Variants in IL1RAPL1 observed in about 807,000 individuals in gnomAD.
The protein encoded by IL1RAPL1 is interleukin-1 receptor accessory protein-like 1.
A neutral mutation model predicts 48.4 loss-of-function variants in IL1RAPL1; 3 were observed. The observed-to-expected ratio is 0.06, with a 90% CI of 0.03 to 0.16. The LOEUF (loss-of-function observed/expected upper bound fraction) is 0.16. IL1RAPL1 is among the 10% of genes least tolerant of loss of function. The pLI, the probability that IL1RAPL1 is intolerant of heterozygous loss-of-function variation, is 1.00. For missense variants in IL1RAPL1, 349 were observed against 530.6 expected (o/e 0.66, Z 3.36); for synonymous variants, 185 against 187.7 (o/e 0.99, Z 0.12).
At chrX:28,630,534 T>C (rs1435046214) in intron 1 of IL1RAPL1, among the ~76,000 whole-genome samples, 1 of 112,041 alleles carries the variant, frequency 8.9e-6, no homozygotes, top group Non-Finnish European at 1.9e-5. Flanking sequence ...CTTCTTCCCC[T>C]TCAGGCCACC....
intron 6 of IL1RAPL1, among the ~76,000 whole-genome samples, chrX:29,816,945 C>T (rs1239460985): frequency 2.7e-5 from 3 of 109,733 alleles, no homozygotes; most frequent in African/African-American, 1.0e-4. Context: ...TTTTAGCTCT[C>T]TCTGTTATAT....
At chrX:29,205,458 G>A (rs1239926680) in intron 2 of IL1RAPL1, among the ~76,000 whole-genome samples, 1 of 111,080 alleles carries the variant, frequency 9.0e-6, no homozygotes, top group African/African-American at 3.3e-5. Flanking sequence ...TATATAGCAT[G>A]TTATCAGCTA....
At chrX:28,789,655 A>G (rs936560665) in intron 2 of IL1RAPL1, among the ~76,000 whole-genome samples, 22 of 112,248 alleles carry the variant, frequency 2.0e-4, no homozygotes, top group Admixed American at 3.8e-4. Context: ...ATTGGCATGG[A>G]TTCAATAGCA....
chrX:28,807,142 G>A (rs929345532), intron 2 of IL1RAPL1, among the ~76,000 whole-genome samples: 2 of 110,926 alleles, frequency 1.8e-5, no homozygotes, highest in African/African-American at 6.5e-5. Context: ...TCAGTACCTA[G>A]CATTTTAAGA....
chrX:28,821,680 CT>C (rs1259698196), intron 2 of IL1RAPL1, among the ~76,000 whole-genome samples: 3 of 111,026 alleles, frequency 2.7e-5, no homozygotes, highest in African/African-American at 9.8e-5. Context: ...CACCACACCC[CT>C]GGCTTTCTTC....
In IL1RAPL1 at chrX:29,058,127, G is replaced by T. The variant is rs771499538; in HGVS notation, c.83-224811G>T. On this transcript the variant is annotated intron_variant, in intron 2 of 10. Coordinates refer to ENST00000378993, the MANE Select transcript of IL1RAPL1 (RefSeq NM_014271.4). ...GCAGTGGCTCACGCTTATAATCCCA[G>T]CACTTTGGGAGGCTGAGGTGGGCGG... 4.7e-3 allele frequency among the ~76,000 whole-genome samples: 526 copies of T among 110,981 alleles called. 3 individuals carry two copies. The highest frequency in any genetic ancestry group is 0.016 in the African/African-American group (479 of 30,512).
chrX:29,763,050 GTTT>G (rs777501897), intron 6 of IL1RAPL1, among the ~76,000 whole-genome samples: 1 of 94,142 alleles, frequency 1.1e-5, no homozygotes, highest in Non-Finnish European at 2.2e-5. Context: ...AAAGTTTTTT[GTTT>G]TTTTTTTTTT....
At chrX:29,615,836 G>A (rs1924269600) in intron 5 of IL1RAPL1, among the ~76,000 whole-genome samples, 1 of 112,018 alleles carries the variant, frequency 8.9e-6, no homozygotes, top group African/African-American at 3.2e-5. Context: ...TCAAAGCACT[G>A]TAGAAGTACA....
At chrX:29,657,824 GT>G (rs199945372) in intron 5 of IL1RAPL1, among the ~76,000 whole-genome samples, 2,376 of 75,388 alleles carry the variant, frequency 0.032, 22 homozygotes, top group African/African-American at 0.051. Context: ...ATTAGTGACT[GT>G]TTTTTTTTTT....
At chrX:29,557,119 C>T (rs1302438520) in intron 5 of IL1RAPL1, among the ~76,000 whole-genome samples, 2 of 111,595 alleles carry the variant, frequency 1.8e-5, no homozygotes, top group African/African-American at 3.3e-5. Context: ...GTTGTGTATG[C>T]GTGGGGCCAT....
intron 3 of IL1RAPL1, among the ~76,000 whole-genome samples, chrX:29,329,371 T>A (rs757703394): frequency 1.3e-4 from 14 of 111,814 alleles, no homozygotes; most frequent in Non-Finnish European, 2.3e-4. Context: ...GAAATGAAAA[T>A]ACATGTTCAC....
In IL1RAPL1 at chrX:29,886,228, G is replaced by A. The variant is rs147533824; in HGVS notation, c.779-31236G>A. Among the ~76,000 whole-genome samples, 893 of 112,242 alleles carry A rather than the reference G, an allele frequency of 8.0e-3. 6 individuals carry two copies. Among genetic ancestry groups the A allele is most frequent in the African/African-American group, 0.027 (845 of 30,954 alleles). On this transcript the variant is annotated intron_variant, in intron 6 of 10. Transcript: ENST00000378993. ...TGATTCATTGGTACCAAAAGCAAGC[G>A]TTTTACATTTTTCTCCAAATCTTTG...
At chrX:29,739,506 CAT>C (rs1375870504) in intron 6 of IL1RAPL1, among the ~76,000 whole-genome samples, 1 of 111,542 alleles carries the variant, frequency 9.0e-6, no homozygotes, top group East Asian at 2.8e-4. Flanking sequence ...ACCATGGAAA[CAT>C]ATGTATAACA....
intron 1 of IL1RAPL1, among the ~76,000 whole-genome samples, chrX:28,713,111 T>G (rs1328395023): frequency 9.0e-6 from 1 of 110,718 alleles, no homozygotes; most frequent in East Asian, 2.8e-4. Flanking sequence ...TGGAGTGCAG[T>G]GGCCTGATCT....
intron 2 of IL1RAPL1, among the ~76,000 whole-genome samples, chrX:29,263,836 T>C (rs1257073002): frequency 1.2e-5 from 1 of 85,278 alleles, no homozygotes; most frequent in Non-Finnish European, 2.3e-5. Context: ...CATCATTCTC[T>C]CTCTCTCTCT....
intron 6 of IL1RAPL1, among the ~76,000 whole-genome samples, chrX:29,885,647 C>CA (rs1234973660): frequency 1.0e-3 from 115 of 110,467 alleles, no homozygotes; most frequent in African/African-American, 3.0e-3. Flanking sequence ...CCTGTCTCTA[C>CA]AAAAAATGAA....
intron 6 of IL1RAPL1, among the ~76,000 whole-genome samples, chrX:29,741,137 T>TAG (rs1928186073): frequency 8.9e-6 from 1 of 112,497 alleles, no homozygotes; most frequent in Non-Finnish European, 1.9e-5. Flanking sequence ...AATAAGACTG[T>TAG]GGAGATTAGA....
chrX:29,002,359 T>C (rs992347604), intron 2 of IL1RAPL1, among the ~76,000 whole-genome samples: 2 of 111,350 alleles, frequency 1.8e-5, no homozygotes, highest in Non-Finnish European at 3.8e-5. Flanking sequence ...AGATTAGAAA[T>C]CAAGGTGGTA....
intron 1 of IL1RAPL1, among the ~76,000 whole-genome samples, chrX:28,771,635 C>T (rs1236580988): frequency 8.9e-6 from 1 of 111,898 alleles, no homozygotes. Context: ...GAAATGCCTT[C>T]CAAGGACATC....
Sources: allele counts gnomAD v4.1 joint callset (sites outside exome capture counted in the v4.1 genomes callset), GRCh38; gene constraint gnomAD v4.1.1; transcripts MANE v1.5; gene names NCBI Gene and HGNC (gene_info 2026-07-23, HGNC 2026-07-21).